Variants in INTS8 observed in about 807,000 individuals in gnomAD.
The protein encoded by INTS8 is protein kaonashi-1.
INTS8 carries 47 observed loss-of-function variants against 138.9 expected under a neutral mutation model. The observed-to-expected ratio is 0.34, with a 90% CI of 0.27 to 0.43. The LOEUF (loss-of-function observed/expected upper bound fraction) is 0.43, where lower values mean the gene tolerates loss of function less well. INTS8 is among the 20% of genes least tolerant of loss of function. The pLI is 1.00. For missense variants in INTS8, 996 were observed against 1,173.0 expected (o/e 0.85, Z 2.20); for synonymous variants, 392 against 400.9 (o/e 0.98, Z 0.27).
At chr8:94,830,374 T>C (rs1389860633) in intron 5 of INTS8, among the ~76,000 whole-genome samples, 1 of 152,234 alleles carries the variant, frequency 6.6e-6, no homozygotes, top group East Asian at 1.9e-4. Context: ...ATAGCAAATA[T>C]GCTGTAATAT....
intron 10 of INTS8, among the ~76,000 whole-genome samples, chr8:94,843,035 C>T (rs1815192873): frequency 6.6e-6 from 1 of 152,186 alleles, no homozygotes; most frequent in Non-Finnish European, 1.5e-5. Context: ...TCTTTACAAC[C>T]TCCTCTACCT....
intron 2 of INTS8, 109 bp downstream of exon 2, chr8:94,825,176 C>A: frequency 1.4e-6 from 1 of 733,708 alleles, no homozygotes; most frequent in Non-Finnish European, 2.2e-6. Flanking sequence ...TGCTGGGCGC[C>A]GTGGCTCACG....
chr8:94,839,471 G>A (rs1303866974), intron 8 of INTS8, among the ~76,000 whole-genome samples: 1 of 152,034 alleles, frequency 6.6e-6, no homozygotes, highest in Non-Finnish European at 1.5e-5. Flanking sequence ...TCTCCAATTG[G>A]GTATTATTCC....
chr8:94,847,351 A>G (rs969788821), intron 10 of INTS8, among the ~76,000 whole-genome samples: 3 of 151,980 alleles, frequency 2.0e-5, no homozygotes, highest in African/African-American at 7.2e-5. Context: ...CGATGCACAC[A>G]TTTTTTTCTT....
At chr8:94,836,257 C>CT (rs1203516064) in intron 6 of INTS8, among the ~76,000 whole-genome samples, 1 of 152,086 alleles carries the variant, frequency 6.6e-6, no homozygotes, top group African/African-American at 2.4e-5. Flanking sequence ...CTCCTTTGCC[C>CT]TTTTTTCTAG....
intron 26 of INTS8, among the ~76,000 whole-genome samples, chr8:94,878,069 G>A (rs1221344912): frequency 3.3e-5 from 5 of 152,192 alleles, no homozygotes; most frequent in East Asian, 3.9e-4. Context: ...TATTTTTAGC[G>A]TCTTCCCTTT....
chr8:94,879,595 CA>C (rs797007899), intron 26 of INTS8, among the ~76,000 whole-genome samples: 6 of 117,008 alleles, frequency 5.1e-5, no homozygotes, highest in African/African-American at 1.6e-4. Flanking sequence ...AGCTCCATCT[CA>C]AAAAAAACAA....
At chr8:94,833,565 T>C (rs940334054) in intron 6 of INTS8, among the ~76,000 whole-genome samples, 17 of 152,078 alleles carry the variant, frequency 1.1e-4, no homozygotes, top group African/African-American at 3.6e-4. Flanking sequence ...ATGTAGTATC[T>C]CATAATCTTT....
intron 10 of INTS8, among the ~76,000 whole-genome samples, chr8:94,848,405 C>T (rs1269330831): frequency 6.6e-6 from 1 of 152,142 alleles, no homozygotes; most frequent in African/African-American, 2.4e-5. Context: ...TTAGTGTATT[C>T]CTAGAGTTGT....
At chr8:94,857,243 T>C (rs1815785429) in intron 15 of INTS8, among the ~76,000 whole-genome samples, 1 of 151,924 alleles carries the variant, frequency 6.6e-6, no homozygotes, top group Admixed American at 6.6e-5. Flanking sequence ...TGGCTAATTT[T>C]TGTATTTTTG....
intron 16 of INTS8, among the ~76,000 whole-genome samples, chr8:94,861,256 A>ATTTCTTTTT (rs1815962360): frequency 1.7e-5 from 1 of 57,378 alleles, no homozygotes; most frequent in African/African-American, 7.3e-5. Context: ...CCTTTTTGTA[A>ATTTCTTTTT]TTTTTTTTTT....
chr8:94,826,687 A>C (rs538307517), intron 2 of INTS8, among the ~76,000 whole-genome samples: 8 of 152,294 alleles, frequency 5.3e-5, no homozygotes, highest in Non-Finnish European at 8.8e-5. Context: ...GGAAGTGGGG[A>C]AGAATAGAGA....
At chr8:94,827,817 A>G in intron 4 of INTS8, 24 bp downstream of exon 4, 2 of 1,571,110 alleles carry the variant, frequency 1.3e-6, no homozygotes, top group Non-Finnish European at 1.7e-6. Context: ...TATGACCTTT[A>G]CTTGGCACTT....
intron 5 of INTS8, among the ~76,000 whole-genome samples, chr8:94,830,796 C>A (rs1401829751): frequency 1.3e-5 from 2 of 151,986 alleles, no homozygotes; most frequent in Admixed American, 6.6e-5. Context: ...CTGTGTCCAG[C>A]TAAATCTTTT....
chr8:94,859,237 C>T (rs1462741016), intron 15 of INTS8, among the ~76,000 whole-genome samples: 1 of 151,622 alleles, frequency 6.6e-6, no homozygotes, highest in Non-Finnish European at 1.5e-5. Flanking sequence ...ACCATAATCA[C>T]ACCACTGCAC....
intron 21 of INTS8, among the ~76,000 whole-genome samples, chr8:94,872,982 A>G (rs961807804): frequency 3.3e-5 from 5 of 152,124 alleles, no homozygotes; most frequent in Non-Finnish European, 5.9e-5. Context: ...TCCCTTTCCC[A>G]CATCATTCCT....
At chr8:94,861,186 T>C (rs1464291924) in intron 16 of INTS8, among the ~76,000 whole-genome samples, 2 of 151,324 alleles carry the variant, frequency 1.3e-5, no homozygotes, top group African/African-American at 4.8e-5. Flanking sequence ...AAAACTGAGC[T>C]CATTTCATTT....
intron 21 of INTS8, among the ~76,000 whole-genome samples, chr8:94,872,234 ATT>A (rs563370301): frequency 0.034 from 5,137 of 151,402 alleles, 90 homozygotes; most frequent in Non-Finnish European, 0.04. Flanking sequence ...AAAACAGTGA[ATT>A]TTTTTTTGTG....
chr8:94,857,600 G>C (rs1815799574), intron 15 of INTS8, among the ~76,000 whole-genome samples: 1 of 152,242 alleles, frequency 6.6e-6, no homozygotes, highest in Middle Eastern at 3.4e-3. Flanking sequence ...GCCCCCAAAG[G>C]CTCCAAGAAA....
Sources: allele counts gnomAD v4.1 joint callset (sites outside exome capture counted in the v4.1 genomes callset), GRCh38; gene constraint gnomAD v4.1.1; transcripts MANE v1.5; gene names NCBI Gene and HGNC (gene_info 2026-07-23, HGNC 2026-07-21).